The following ADAM22 variants were observed in gnomAD, a reference collection of about 807,000 sequenced individuals.
ADAM22 encodes the protein disintegrin and metalloproteinase domain-containing protein 22.
In ADAM22, 65 loss-of-function variants were observed where a neutral mutation model predicts 144.6. That is an observed-to-expected ratio of 0.45 (90% confidence interval 0.37 to 0.55). ADAM22 has a LOEUF of 0.55. Among genes scored for constraint, ADAM22 ranks in the 20% least tolerant of loss-of-function variants. The pLI, the probability that ADAM22 is intolerant of heterozygous loss-of-function variation, is 0.00. For synonymous variants in ADAM22, 391 were observed against 412.6 expected (o/e 0.95, Z 0.63); for missense variants, 974 against 1,184.9 (o/e 0.82, Z 2.61).
chr7:87,969,317 T>G (rs892701284), intron 2 of ADAM22, among the ~76,000 whole-genome samples: 1 of 152,186 alleles, frequency 6.6e-6, no homozygotes, highest in Non-Finnish European at 1.5e-5. Context: ...TTTCCTGGAG[T>G]GCTTTCCCTT....
intron 3 of ADAM22, among the ~76,000 whole-genome samples, chr7:88,071,581 T>C (rs1812832778): frequency 6.6e-6 from 1 of 152,094 alleles, no homozygotes; most frequent in Non-Finnish European, 1.5e-5. Context: ...CTCTGATTCA[T>C]GACAGTTGCC....
rs189275047 is a variant in ADAM22, at chr7:88,018,454, G to A, written c.323+40042G>A. ...TCTAGATTTTTTTTCCCCCATTACT[G>A]TTCTACCAAAGTAGCATTTCACACT... is the stretch of plus-strand genomic sequence containing the variant. On this transcript the variant is annotated intron_variant, in intron 3 of 31. Transcript: ENST00000413139. 5.9e-5 allele frequency among the ~76,000 whole-genome samples: 9 copies of A among 152,068 alleles called. No individual in the cohort carries two copies. In the East Asian group the frequency reaches 1.7e-3, roughly 29 times the overall value.
chr7:88,028,603 A>G (rs900085957), intron 3 of ADAM22, among the ~76,000 whole-genome samples: 1 of 152,014 alleles, frequency 6.6e-6, no homozygotes, highest in Non-Finnish European at 1.5e-5. Context: ...CTATTATTGT[A>G]TTGGGGTCTG....
At chr7:87,977,051 G>C (rs1267747635) in intron 2 of ADAM22, among the ~76,000 whole-genome samples, 1 of 152,086 alleles carries the variant, frequency 6.6e-6, no homozygotes, top group Non-Finnish European at 1.5e-5. Flanking sequence ...GGTATTAGTT[G>C]AGAAGAGTTA....
chr7:88,061,789 A>C (rs1809938386), intron 3 of ADAM22, among the ~76,000 whole-genome samples: 2 of 150,798 alleles, frequency 1.3e-5, no homozygotes, highest in Admixed American at 1.3e-4. Context: ...CACCAGCTGC[A>C]TTAGCCCTAA....
At chr7:88,075,775 T>A in intron 4 of ADAM22, 83 bp downstream of exon 4, 1 of 1,053,184 alleles carries the variant, frequency 9.5e-7, no homozygotes, top group East Asian at 2.5e-5. Flanking sequence ...TTCAATGATA[T>A]TTCTAATGTA....
chr7:88,153,351 A>G (rs747240354), intron 21 of ADAM22, 25 bp downstream of exon 21: 1 of 1,576,926 alleles, frequency 6.3e-7, no homozygotes, highest in Non-Finnish European at 8.7e-7. Flanking sequence ...TCAGCCCAGA[A>G]TTCATCCCTT....
chr7:88,133,968 A>C (rs1317498694), intron 12 of ADAM22, among the ~76,000 whole-genome samples: 1 of 152,172 alleles, frequency 6.6e-6, no homozygotes, highest in African/African-American at 2.4e-5. Flanking sequence ...TTCTAAAAAA[A>C]TTTACAGATT....
chr7:88,091,835 C>T (rs1036620880), intron 4 of ADAM22, among the ~76,000 whole-genome samples: 6 of 152,140 alleles, frequency 3.9e-5, no homozygotes, highest in African/African-American at 1.4e-4. Flanking sequence ...TTCACCGTCT[C>T]TTTTAGTAGT....
chr7:88,195,605 T>A (rs1850514278), intron 31 of ADAM22, among the ~76,000 whole-genome samples: 1 of 152,086 alleles, frequency 6.6e-6, no homozygotes, highest in African/African-American at 2.4e-5. Context: ...AAGCTCCGCC[T>A]CCCGGGTTCA....
At chr7:88,162,915 T>G (rs1842075920) in intron 22 of ADAM22, 97 bp from the exon 23 acceptor site, 1 of 1,288,450 alleles carries the variant, frequency 7.8e-7, no homozygotes. Flanking sequence ...ATAAATAGAA[T>G]AGAGGAAGCA....
At chr7:88,185,074 T>C (rs1039608398) in intron 29 of ADAM22, among the ~76,000 whole-genome samples, 14 of 152,238 alleles carry the variant, frequency 9.2e-5, no homozygotes, top group African/African-American at 3.4e-4. Flanking sequence ...TAGCCTTCAT[T>C]TGTGGCTGCA....
chr7:88,142,207 G>C (rs1441086781), intron 14 of ADAM22, among the ~76,000 whole-genome samples: 2 of 152,134 alleles, frequency 1.3e-5, no homozygotes, highest in African/African-American at 4.8e-5. Flanking sequence ...TATACAACCA[G>C]TAAAATTATC....
rs747720963 is a variant in ADAM22 at position 88,134,355 on chromosome 7, T to G, written c.1104T>G (p.Val368=). The G allele has an allele frequency of 5.6e-6, 9 of 1,607,928 alleles. No individual in the cohort carries two copies. In the African/African-American group the frequency reaches 1.2e-4, roughly 22 times the overall value. ...TTGGGAAAACTGATTTAATGGCTGT[T>G]ACACTTGCCCAGTCATTAGCCCATA... ...NEFGKTDLMA[V]TLAQSLAHNI... The change falls in exon 13 of 32, where the codon GTT becomes GTG. Residue 368 remains valine, a synonymous_variant. Transcript: ENST00000413139.
chr7:88,176,552 C>T (rs565605157), intron 26 of ADAM22, among the ~76,000 whole-genome samples: 7 of 152,202 alleles, frequency 4.6e-5, no homozygotes, highest in African/African-American at 1.4e-4. Flanking sequence ...GATAATAAAA[C>T]GTGTTCAGTT....
chr7:87,938,213 T>G (rs1841716588), intron 2 of ADAM22, among the ~76,000 whole-genome samples: 1 of 135,596 alleles, frequency 7.4e-6, no homozygotes. Context: ...ATAGATTTTT[T>G]TTTTTTTTTT....
chr7:87,982,108 C>CACAT (rs764153795), intron 3 of ADAM22, among the ~76,000 whole-genome samples: 3 of 125,140 alleles, frequency 2.4e-5, no homozygotes, highest in Non-Finnish European at 4.7e-5. Flanking sequence ...CACACACACA[C>CACAT]ATGCATACAC....
intron 26 of ADAM22, among the ~76,000 whole-genome samples, chr7:88,172,462 C>A (rs1406614457): frequency 6.6e-6 from 1 of 151,864 alleles, no homozygotes; most frequent in East Asian, 1.9e-4. Flanking sequence ...ATTTACTTAA[C>A]CTTTTCCATT....
chr7:87,963,928 T>C (rs1848518193), intron 2 of ADAM22, among the ~76,000 whole-genome samples: 1 of 152,220 alleles, frequency 6.6e-6, no homozygotes, highest in South Asian at 2.1e-4. Context: ...TTATTTCTTT[T>C]AAATATTCAG....
Sources: gnomAD v4.1 joint callset for allele counts (sites outside exome capture counted in the v4.1 genomes callset) on GRCh38, gnomAD v4.1.1 for gene constraint, MANE v1.5 for transcripts, NCBI Gene and HGNC (gene_info 2026-07-23, HGNC 2026-07-21) for gene names.